Variants in ALCAM observed in about 807,000 individuals in gnomAD.
ALCAM encodes the protein activated leukocyte cell adhesion molecule.
Under a neutral mutation model 70.9 loss-of-function variants are expected in ALCAM, and 30 were observed. The observed-to-expected ratio is 0.42, with a 90% CI of 0.32 to 0.57. ALCAM has a LOEUF of 0.57. Ranked by LOEUF, ALCAM falls within the 20% of genes least tolerant of loss-of-function variation. The probability of loss-of-function intolerance (pLI) is 0.11; values close to 1 mark genes in which losing one functional copy is unlikely to be tolerated. For missense variants in ALCAM, 591 were observed against 695.1 expected (o/e 0.85, Z 1.68); for synonymous variants, 249 against 242.5 (o/e 1.03, Z -0.25).
intron 1 of ALCAM, among the ~76,000 whole-genome samples, chr3:105,482,591 G>A (rs1232295017): frequency 1.3e-5 from 2 of 152,090 alleles, no homozygotes; most frequent in African/African-American, 2.4e-5. Context: ...CATTTTGAAT[G>A]ATACCACATG....
chr3:105,430,411 C>T lies in ALCAM; in HGVS notation c.73+62930C>T, dbSNP rs532014744. ...TTTACATTTTTAAAAATAATTTTGA[C>T]AGTTTTGAGGGGTATTGGTCAGGTA... On this transcript the variant is annotated intron_variant, in intron 1 of 15. Coordinates refer to ENST00000306107, the MANE Select transcript of ALCAM (RefSeq NM_001627.4). Among the ~76,000 whole-genome samples the T allele has an allele frequency of 1.5e-3, 223 of 151,908 alleles. 1 individual carries two copies. Among genetic ancestry groups the T allele is most frequent in the Non-Finnish European group, 2.6e-3 (178 of 67,944 alleles).
chr3:105,375,275 C>T (rs561207886), intron 1 of ALCAM, among the ~76,000 whole-genome samples: 1 of 152,276 alleles, frequency 6.6e-6, no homozygotes, highest in South Asian at 2.1e-4. Context: ...TTAATGGCAT[C>T]CTTTTTCATT....
At chr3:105,411,496 G>A (rs1252261772) in intron 1 of ALCAM, among the ~76,000 whole-genome samples, 2 of 152,036 alleles carry the variant, frequency 1.3e-5, no homozygotes, top group Non-Finnish European at 2.9e-5. Flanking sequence ...GGCATCAGGA[G>A]CATTAGCTAA....
intron 3 of ALCAM, among the ~76,000 whole-genome samples, chr3:105,528,074 G>C (rs183469304): frequency 2.5e-4 from 38 of 152,228 alleles, no homozygotes; most frequent in African/African-American, 9.1e-4. Flanking sequence ...AAAGTACTGG[G>C]AGGAGCCGTT....
chr3:105,539,150 C>T (rs1940052908), intron 6 of ALCAM, among the ~76,000 whole-genome samples: 1 of 151,986 alleles, frequency 6.6e-6, no homozygotes, highest in Non-Finnish European at 1.5e-5. Context: ...TATATGATTT[C>T]AAAATTTATT....
intron 1 of ALCAM, among the ~76,000 whole-genome samples, chr3:105,422,023 A>G (rs1384024818): frequency 1.3e-5 from 2 of 151,350 alleles, no homozygotes; most frequent in Non-Finnish European, 3.0e-5. Context: ...TTCAGGGTCC[A>G]TTATATCACT....
intron 11 of ALCAM, among the ~76,000 whole-genome samples, chr3:105,549,797 G>T (rs1278420175): frequency 6.6e-6 from 1 of 151,358 alleles, no homozygotes; most frequent in African/African-American, 2.4e-5. Flanking sequence ...TGGAAAGTTG[G>T]TGTTTAAATA....
At chr3:105,498,104 G>A (rs751005186) in intron 1 of ALCAM, among the ~76,000 whole-genome samples, 3 of 151,752 alleles carry the variant, frequency 2.0e-5, no homozygotes, top group East Asian at 1.9e-4. Context: ...TACTGATATC[G>A]TACATTCATT....
intron 1 of ALCAM, among the ~76,000 whole-genome samples, chr3:105,407,564 T>C (rs886230773): frequency 2.0e-5 from 3 of 152,054 alleles, no homozygotes; most frequent in Admixed American, 6.6e-5. Context: ...AGAGAAGGGA[T>C]ATACCTTAAG....
intron 1 of ALCAM, among the ~76,000 whole-genome samples, chr3:105,403,625 C>A (rs77542886): frequency 0.015 from 2,344 of 152,056 alleles, 26 homozygotes; most frequent in Middle Eastern, 0.048. Context: ...ATAGTCTACA[C>A]CAACGAAAAG....
intron 1 of ALCAM, among the ~76,000 whole-genome samples, chr3:105,441,998 A>T (rs1203730348): frequency 6.6e-6 from 1 of 152,234 alleles, no homozygotes. Flanking sequence ...GATTTAAAAA[A>T]TAGTCTAACA....
chr3:105,429,169 A>G (rs1936865288), intron 1 of ALCAM, among the ~76,000 whole-genome samples: 2 of 151,996 alleles, frequency 1.3e-5, no homozygotes, highest in South Asian at 2.1e-4. Flanking sequence ...TTAGGTTTCA[A>G]CTTTACTTTC....
intron 1 of ALCAM, among the ~76,000 whole-genome samples, chr3:105,373,277 G>C (rs1935283713): frequency 6.6e-6 from 1 of 152,096 alleles, no homozygotes; most frequent in Non-Finnish European, 1.5e-5. Context: ...TAAATGTTAG[G>C]AAGATTGGAA....
At chr3:105,397,546 T>A (rs942268801) in intron 1 of ALCAM, among the ~76,000 whole-genome samples, 1 of 151,878 alleles carries the variant, frequency 6.6e-6, no homozygotes, top group African/African-American at 2.4e-5. Flanking sequence ...TAACATAACA[T>A]AATATATTCA....
At chr3:105,405,057 C>A (rs988415190) in intron 1 of ALCAM, among the ~76,000 whole-genome samples, 1 of 151,918 alleles carries the variant, frequency 6.6e-6, no homozygotes, top group African/African-American at 2.4e-5. Flanking sequence ...GCAGGCAGAC[C>A]ACTTGAGGTC....
chr3:105,385,662 C>G (rs1935634245), intron 1 of ALCAM, among the ~76,000 whole-genome samples: 2 of 151,588 alleles, frequency 1.3e-5, no homozygotes, highest in Admixed American at 1.3e-4. Flanking sequence ...AATTCTGATG[C>G]AAATATGTCT....
At chr3:105,405,723 G>A (rs192663121) in intron 1 of ALCAM, among the ~76,000 whole-genome samples, 2 of 152,238 alleles carry the variant, frequency 1.3e-5, no homozygotes, top group East Asian at 3.9e-4. Context: ...CCACAGTGGA[G>A]TAAAATTGGA....
chr3:105,573,979 G>C lies in ALCAM; in HGVS notation c.*26-498G>C, dbSNP rs530297672. ...GGGTGAAAGGAATCAGAACTGGATT[G>C]CTTCTCTATCTCACCTTTCATTGGA... On this transcript the variant is annotated intron_variant, in intron 15 of 15. Coordinates refer to ENST00000306107, the MANE Select transcript of ALCAM (RefSeq NM_001627.4). Among the ~76,000 whole-genome samples the C allele has an allele frequency of 7.4e-4, 113 of 152,276 alleles. No homozygotes were observed. In the Middle Eastern group the frequency reaches 0.024, roughly 32 times the overall value.
chr3:105,492,706 A>G (rs1209123356), intron 1 of ALCAM, among the ~76,000 whole-genome samples: 3 of 152,212 alleles, frequency 2.0e-5, no homozygotes, highest in Non-Finnish European at 2.9e-5. Flanking sequence ...ATGTAATGCT[A>G]TCATAAATTA....
Sources: allele counts gnomAD v4.1 joint callset (sites outside exome capture counted in the v4.1 genomes callset), GRCh38; gene constraint gnomAD v4.1.1; transcripts MANE v1.5; gene names NCBI Gene and HGNC (gene_info 2026-07-23, HGNC 2026-07-21).